RAB31: variants seen among roughly 807,000 people sequenced by gnomAD.
The protein encoded by RAB31 is RAB31, member RAS oncogene family, also known as ras-related protein Rab-31.
In RAB31, 21 loss-of-function variants were observed where a neutral mutation model predicts 25.6. The observed-to-expected ratio is 0.82, with a 90% CI of 0.58 to 1.18. RAB31 has a LOEUF of 1.18. Ranked by LOEUF, RAB31 falls within the 50% of genes most tolerant of loss-of-function variation. The pLI is 0.00. For synonymous variants in RAB31, 87 were observed against 84.0 expected (o/e 1.04, Z -0.20); for missense variants, 196 against 250.1 (o/e 0.78, Z 1.46).
chr18:9,800,338 C>A (rs924407549), intron 3 of RAB31, among the ~76,000 whole-genome samples: 1 of 151,996 alleles, frequency 6.6e-6, no homozygotes. Context: ...TTTTTTCCAC[C>A]GTGCTATACT....
chr18:9,724,517 G>T (rs546643465), intron 1 of RAB31, among the ~76,000 whole-genome samples: 11 of 152,200 alleles, frequency 7.2e-5, no homozygotes, highest in African/African-American at 2.6e-4. Flanking sequence ...TATGCCCTTG[G>T]CTTCTTCCTT....
intron 6 of RAB31, among the ~76,000 whole-genome samples, chr18:9,855,566 T>A (rs1332894648): frequency 6.6e-6 from 1 of 152,220 alleles, no homozygotes; most frequent in Non-Finnish European, 1.5e-5. Context: ...GCCTTGAACC[T>A]TCCGGTAAAT....
chr18:9,730,922 T>A (rs2068119733), intron 1 of RAB31, among the ~76,000 whole-genome samples: 1 of 152,176 alleles, frequency 6.6e-6, no homozygotes, highest in Non-Finnish European at 1.5e-5. Flanking sequence ...GAGGTCTCAG[T>A]GTTTATCGTC....
intron 1 of RAB31, among the ~76,000 whole-genome samples, chr18:9,718,423 C>T (rs2068055078): frequency 6.6e-6 from 1 of 151,754 alleles, no homozygotes; most frequent in African/African-American, 2.4e-5. Context: ...CCATGCCTGG[C>T]TAATTTTGTA....
At chr18:9,804,529 G>T (rs1322223285) in intron 3 of RAB31, among the ~76,000 whole-genome samples, 1 of 152,082 alleles carries the variant, frequency 6.6e-6, no homozygotes, top group Non-Finnish European at 1.5e-5. Flanking sequence ...AACTAGTTTT[G>T]TTTCCTCTCC....
chr18:9,710,917 CTT>C (rs148344186), intron 1 of RAB31, among the ~76,000 whole-genome samples: 6 of 144,884 alleles, frequency 4.1e-5, no homozygotes, highest in Non-Finnish European at 3.0e-5. Flanking sequence ...TTGTGGCTTC[CTT>C]TTTTTTTTTT....
chr18:9,762,130 C>T (rs1599028404), intron 1 of RAB31, among the ~76,000 whole-genome samples: 1 of 152,118 alleles, frequency 6.6e-6, no homozygotes, highest in Non-Finnish European at 1.5e-5. Context: ...TATAACCTCC[C>T]CCTTGGAAGT....
chr18:9,789,421 G>T (rs888112594), intron 2 of RAB31, among the ~76,000 whole-genome samples: 2 of 152,134 alleles, frequency 1.3e-5, no homozygotes, highest in Non-Finnish European at 2.9e-5. Flanking sequence ...AATGTTCAAG[G>T]TGATGAATAT....
At chr18:9,823,683 A>T (rs1319801449) in intron 5 of RAB31, among the ~76,000 whole-genome samples, 1 of 152,212 alleles carries the variant, frequency 6.6e-6, no homozygotes, top group African/African-American at 2.4e-5. Flanking sequence ...TGCATTATAT[A>T]TATTATATAC....
At position 9,749,155 on chromosome 18, in the gene RAB31, G is replaced by A. The variant is rs562910198; in HGVS notation, c.40-26123G>A. ...ATATACCTTGAAGCCTTTTCCACAC[G>A]TATCAGCACCTAAGGATGTACTTTA... is the stretch of plus-strand genomic sequence containing the variant. On this transcript the variant is annotated intron_variant, in intron 1 of 6. Coordinates refer to ENST00000578921, the MANE Select transcript of RAB31 (RefSeq NM_006868.4). Among the ~76,000 whole-genome samples the A allele has an allele frequency of 9.2e-5, 14 of 152,234 alleles. No homozygotes were observed. The East Asian group carries it at 1.9e-3, about 21-fold the overall frequency.
chr18:9,808,095 G>A (rs1394024123), intron 3 of RAB31, among the ~76,000 whole-genome samples: 2 of 152,318 alleles, frequency 1.3e-5, no homozygotes, highest in East Asian at 3.9e-4. Flanking sequence ...TTGTCAGAAA[G>A]GAGTCAGGTG....
chr18:9,770,114 C>T (rs752054220), intron 1 of RAB31, among the ~76,000 whole-genome samples: 7 of 152,054 alleles, frequency 4.6e-5, no homozygotes, highest in Non-Finnish European at 5.9e-5. Context: ...AGGATTTTTG[C>T]GTTGGTGTTC....
intron 1 of RAB31, among the ~76,000 whole-genome samples, chr18:9,713,892 CTCT>C (rs1429197072): frequency 6.6e-6 from 1 of 152,170 alleles, no homozygotes; most frequent in Non-Finnish European, 1.5e-5. Flanking sequence ...CGGTCTCTTT[CTCT>C]TCTTATAAGG....
At chr18:9,788,924 T>C (rs2068446594) in intron 2 of RAB31, among the ~76,000 whole-genome samples, 1 of 152,182 alleles carries the variant, frequency 6.6e-6, no homozygotes, top group Non-Finnish European at 1.5e-5. Context: ...GAGCTGAGAC[T>C]GTGCCACTGC....
intron 5 of RAB31, among the ~76,000 whole-genome samples, chr18:9,832,626 C>A (rs1231411245): frequency 1.3e-5 from 2 of 152,168 alleles, no homozygotes; most frequent in African/African-American, 4.8e-5. Flanking sequence ...GGCCCACACC[C>A]CTCCGAGCAT....
intron 2 of RAB31, among the ~76,000 whole-genome samples, chr18:9,786,058 G>C (rs77969280): frequency 6.0e-4 from 41 of 68,760 alleles, no homozygotes; most frequent in African/African-American, 2.8e-3. Flanking sequence ...GAAAGAAAGA[G>C]AGAAAGAGAA....
intron 5 of RAB31, among the ~76,000 whole-genome samples, chr18:9,818,611 C>CT (rs1398522898): frequency 6.6e-6 from 1 of 152,116 alleles, no homozygotes; most frequent in Non-Finnish European, 1.5e-5. Flanking sequence ...ATTATTTCTA[C>CT]TTTTTTGCTA....
intron 2 of RAB31, among the ~76,000 whole-genome samples, chr18:9,785,430 C>T (rs755078578): frequency 3.3e-5 from 5 of 152,082 alleles, no homozygotes; most frequent in Non-Finnish European, 7.4e-5. Flanking sequence ...TGGTGGACAG[C>T]TTTCATCTGG....
At chr18:9,713,789 G>T (rs113140731) in intron 1 of RAB31, among the ~76,000 whole-genome samples, 4,017 of 152,326 alleles carry the variant, frequency 0.026, 94 homozygotes, top group Middle Eastern at 0.092. Context: ...CTAAGACCAA[G>T]GCGCTGGCAG....
Sources: allele counts gnomAD v4.1 joint callset (sites outside exome capture counted in the v4.1 genomes callset), GRCh38; gene constraint gnomAD v4.1.1; transcripts MANE v1.5; gene names NCBI Gene and HGNC (gene_info 2026-07-23, HGNC 2026-07-21).